OR3A3: variants seen among roughly 807,000 people sequenced by gnomAD.
The protein encoded by OR3A3 is olfactory receptor family 3 subfamily A member 3.
For missense variants in OR3A3, 275 were observed against 391.4 expected (o/e 0.70, Z 2.51); for synonymous variants, 103 against 163.9 (o/e 0.63, Z 2.84).
At chr17:3,418,937 G>T (rs541418578) in intron 2 of OR3A3, among the ~76,000 whole-genome samples, 1 of 152,184 alleles carries the variant, frequency 6.6e-6, no homozygotes, top group Non-Finnish European at 1.5e-5. Context: ...AGAGTCATTG[G>T]TCAATCTACC....
At chr17:3,415,115 TTTGC>T (rs1264363542) in intron 2 of OR3A3, among the ~76,000 whole-genome samples, 1 of 152,102 alleles carries the variant, frequency 6.6e-6, no homozygotes, top group African/African-American at 2.4e-5. Flanking sequence ...ACCACAAGAA[TTTGC>T]TTGATTTTAA....
chr17:3,420,115 T>C (rs960698896), intron 2 of OR3A3, among the ~76,000 whole-genome samples: 4 of 152,072 alleles, frequency 2.6e-5, no homozygotes, highest in African/African-American at 9.7e-5. Context: ...TCTTTTGCCT[T>C]TTTTTTAACA....
exon 3 of OR3A3, chr17:3,420,862 T>C: frequency 6.6e-7 from 1 of 1,524,630 alleles, no homozygotes; most frequent in Non-Finnish European, 9.0e-7. Flanking sequence ...GTCCCACAAG[T>C]CCACAATTTC....
At chr17:3,417,584 G>T (rs2072400137) in intron 2 of OR3A3, among the ~76,000 whole-genome samples, 1 of 152,036 alleles carries the variant, frequency 6.6e-6, no homozygotes, top group African/African-American at 2.4e-5. Flanking sequence ...ATTCTATGGG[G>T]CTCATAGAAC....
In OR3A3 at chr17:3,416,453, C is replaced by CAA. The variant is rs56117626; in HGVS notation, c.-6-4118_-6-4117dup. On this transcript the variant is annotated intron_variant, in intron 2 of 2. Transcript: ENST00000641141. ...TTTTGAGCTAGTTATGCACACTTCG[C>CAA]AAAAAAAAAATGGAAGCTTTCTTCT... Among the ~76,000 whole-genome samples the CAA allele has an allele frequency of 6.4e-3, 947 of 147,738 alleles. 12 individuals carry two copies. The highest frequency in any genetic ancestry group is 0.019 in the African/African-American group (748 of 40,194).
chr17:3,421,452 C>G (rs775956356), exon 3 of OR3A3: 35 of 1,595,608 alleles, frequency 2.2e-5, no homozygotes, highest in Non-Finnish European at 2.8e-5. Context: ...CCATGCTGAA[C>G]CCACTTATCT....
Position 3,414,388 on chromosome 17 carries a change from C to G in OR3A3, c.-7+2217C>G, listed in dbSNP as rs577595970. Among the ~76,000 whole-genome samples the G allele has an allele frequency of 1.4e-4, 21 of 152,146 alleles. No individual in the cohort carries two copies. In the South Asian group the frequency reaches 3.1e-3, roughly 23 times the overall value. The stretch of plus-strand genomic sequence containing the variant: ...GGCCGGCCAGGATTTTTTTGAAGCT[C>G]CACATATTTCTACTGTGCAGCTGAG... On this transcript the variant is annotated intron_variant, in intron 2 of 2. Coordinates refer to ENST00000641141, the Ensembl canonical transcript of OR3A3.
chr17:3,418,733 T>C (rs1370565478), intron 2 of OR3A3, among the ~76,000 whole-genome samples: 1 of 152,004 alleles, frequency 6.6e-6, no homozygotes. Context: ...CTTCCCTTTC[T>C]GTTAGAGTTA....
intron 2 of OR3A3, among the ~76,000 whole-genome samples, chr17:3,418,428 A>C (rs2150681386): frequency 6.6e-6 from 1 of 152,276 alleles, no homozygotes; most frequent in African/African-American, 2.4e-5. Context: ...ACTGCTGACA[A>C]GGCAGTTTTC....
chr17:3,413,831 AAAAAAAC>A (rs140367345), intron 2 of OR3A3, among the ~76,000 whole-genome samples: 4 of 143,580 alleles, frequency 2.8e-5, no homozygotes, highest in Non-Finnish European at 4.5e-5. Context: ...AAAAAAAAAC[AAAAAAAC>A]AAAAAACAAA....
chr17:3,418,554 C>T (rs2072406194), intron 2 of OR3A3, among the ~76,000 whole-genome samples: 1 of 152,170 alleles, frequency 6.6e-6, no homozygotes, highest in Admixed American at 6.5e-5. Context: ...GACCATGCCA[C>T]CAACCATTTC....
At chr17:3,417,187 T>C (rs577199022) in intron 2 of OR3A3, among the ~76,000 whole-genome samples, 3 of 152,264 alleles carry the variant, frequency 2.0e-5, no homozygotes, top group African/African-American at 7.2e-5. Context: ...TATTCATTCT[T>C]TTGTTTGTCT....
intron 2 of OR3A3, among the ~76,000 whole-genome samples, chr17:3,415,608 T>C (rs921280602): frequency 6.6e-6 from 1 of 150,424 alleles, no homozygotes. Flanking sequence ...TTTATTGCTT[T>C]CTAATATATG....
rs200359863 is a variant in OR3A3, at chr17:3,421,254, T to A, written c.669T>A (p.His223Gln). 17 of 1,614,184 alleles carry A rather than the reference T, an allele frequency of 1.1e-5. 1 individual carries two copies. The African/African-American group carries it at 1.9e-4, about 18-fold the overall frequency. Residue 223 changes from histidine (H) to glutamine (Q), a missense_variant, in exon 3 of 3, where the codon CAT (histidine) becomes CAA (glutamine). By Grantham distance (24) the His-to-Gln change is conservative (BLOSUM62 0). Transcript: ENST00000641141. ...TCTTCATCAGTGTGTCCTATGCCCA[T>A]GTGGTAGCTGCTGTGCTGCAAATCC...
At chr17:3,417,234 T>G (rs1279805406) in intron 2 of OR3A3, among the ~76,000 whole-genome samples, 1 of 152,138 alleles carries the variant, frequency 6.6e-6, no homozygotes, top group East Asian at 1.9e-4. Flanking sequence ...CCTTTAGATT[T>G]TCTTAAATTT....
chr17:3,421,541 C>G, exon 3 of OR3A3: 1 of 1,517,784 alleles, frequency 6.6e-7, no homozygotes. Flanking sequence ...TGAGAGATGA[C>G]CTCCTTTCCT....
exon 3 of OR3A3, chr17:3,421,539 G>T: frequency 6.6e-7 from 1 of 1,518,568 alleles, no homozygotes; most frequent in Non-Finnish European, 8.8e-7. Context: ...CCTGAGAGAT[G>T]ACCTCCTTTC....
At chr17:3,412,836 A>C (rs930619880) in intron 2 of OR3A3, among the ~76,000 whole-genome samples, 1 of 152,140 alleles carries the variant, frequency 6.6e-6, no homozygotes, top group Non-Finnish European at 1.5e-5. Context: ...GTTAACACAA[A>C]GGAGTCCCTG....
chr17:3,412,809 C>G (rs1440536521), intron 2 of OR3A3, among the ~76,000 whole-genome samples: 1 of 152,182 alleles, frequency 6.6e-6, no homozygotes, highest in Non-Finnish European at 1.5e-5. Context: ...TGGACTGGTC[C>G]ATGACCTGCT....
Sources: gnomAD v4.1 joint callset for allele counts (sites outside exome capture counted in the v4.1 genomes callset) on GRCh38, gnomAD v4.1.1 for gene constraint, MANE v1.5 for transcripts, NCBI Gene and HGNC (gene_info 2026-07-23, HGNC 2026-07-21) for gene names.